The following PBX3 variants were observed in gnomAD, a reference collection of about 807,000 sequenced individuals.
PBX3 encodes PBX homeobox 3, also known as pre-B-cell leukemia transcription factor 3.
PBX3 carries 14 observed loss-of-function variants against 48.5 expected under a neutral mutation model. That is an observed-to-expected ratio of 0.29 (90% confidence interval 0.19 to 0.45). The LOEUF is 0.45. PBX3 is among the 20% of genes least tolerant of loss of function. The pLI is 1.00. For missense variants in PBX3, 386 were observed against 546.7 expected (o/e 0.71, Z 2.93); for synonymous variants, 210 against 200.3 (o/e 1.05, Z -0.41).
At chr9:125,962,012 T>C in intron 6 of PBX3, 90 bp from the exon 7 acceptor site, 1 of 666,158 alleles carries the variant, frequency 1.5e-6, no homozygotes, top group South Asian at 1.9e-5. Context: ...CTTTCCCTTC[T>C]GTACTTTTTC....
chr9:125,855,342 A>G (rs577516420), intron 2 of PBX3, among the ~76,000 whole-genome samples: 1 of 152,264 alleles, frequency 6.6e-6, no homozygotes, highest in South Asian at 2.1e-4. Context: ...TCCTTATACC[A>G]AATAATTTAA....
At chr9:125,773,376 C>T (rs1279674823) in intron 2 of PBX3, among the ~76,000 whole-genome samples, 1 of 152,172 alleles carries the variant, frequency 6.6e-6, no homozygotes, top group Admixed American at 6.5e-5. Context: ...TTGACCACCT[C>T]TGAGTCTGCT....
At chr9:125,775,489 G>T (rs1479835582) in intron 2 of PBX3, among the ~76,000 whole-genome samples, 1 of 152,142 alleles carries the variant, frequency 6.6e-6, no homozygotes, top group Non-Finnish European at 1.5e-5. Flanking sequence ...AGTACCATTT[G>T]TTGAAGATAC....
At chr9:125,874,129 T>C (rs751780812) in intron 2 of PBX3, among the ~76,000 whole-genome samples, 13 of 152,170 alleles carry the variant, frequency 8.5e-5, no homozygotes, top group Non-Finnish European at 1.6e-4. Flanking sequence ...AATACAGAAA[T>C]GAGTAAATCC....
chr9:125,836,212 G>A (rs939676514), intron 2 of PBX3, among the ~76,000 whole-genome samples: 43 of 152,180 alleles, frequency 2.8e-4, no homozygotes, highest in Admixed American at 2.3e-3. Flanking sequence ...TTGGGAGGCC[G>A]AGGCAGGTGG....
At chr9:125,947,945 A>T (rs2118744743) in intron 5 of PBX3, among the ~76,000 whole-genome samples, 1 of 152,326 alleles carries the variant, frequency 6.6e-6, no homozygotes, top group African/African-American at 2.4e-5. Context: ...ACAAATTCAA[A>T]ATCATTATAA....
At chr9:125,797,790 T>C (rs1409650047) in intron 2 of PBX3, among the ~76,000 whole-genome samples, 1 of 152,146 alleles carries the variant, frequency 6.6e-6, no homozygotes, top group Non-Finnish European at 1.5e-5. Context: ...TCATTCTACA[T>C]ATCTGGGGTC....
Position 125,915,721 on chromosome 9 carries a change from C to T in PBX3, c.310C>T (p.Pro104Ser). ...CAGAGGAGCCCAGGAGGAGGACCCT[C>T]CCGATCCCCAGCTAATGAGACTGGA... The part of the protein sequence containing the change: ...SIRGAQEEDP[P>S]DPQLMRLDNM... Residue 104 changes from proline (P) to serine (S), a missense_variant, in exon 3 of 9, where the codon CCC becomes TCC. Physicochemically the swap from Pro to Ser is moderately conservative, Grantham distance 74 (BLOSUM62 -1). Transcript: ENST00000373489. 6.2e-7 allele frequency: 1 copy of T among 1,613,568 alleles called. No individual in the cohort carries two copies. Among genetic ancestry groups the T allele is most frequent in the Non-Finnish European group, 8.5e-7 (1 of 1,179,694 alleles).
rs141526789 is a variant in PBX3, at chr9:125,874,079, A to G, written c.275-41607A>G. On this transcript the variant is annotated intron_variant, in intron 2 of 8. Transcript: ENST00000373489. ...GAAGGAATATCCTGAACACTTTGTCAATACATTTGACATCTTAGGTGAAAT... is the reference window on the plus strand; with the variant it reads ...GAAGGAATATCCTGAACACTTTGTCGATACATTTGACATCTTAGGTGAAAT... Among the ~76,000 whole-genome samples the G allele has an allele frequency of 1.8e-3, 277 of 152,334 alleles. 2 individuals carry two copies. Among genetic ancestry groups the G allele is most frequent in the African/African-American group, 6.2e-3 (256 of 41,574 alleles).
At chr9:125,846,093 A>C (rs1445479577) in intron 2 of PBX3, among the ~76,000 whole-genome samples, 1 of 152,098 alleles carries the variant, frequency 6.6e-6, no homozygotes, top group African/African-American at 2.4e-5. Context: ...TGAAGATGTC[A>C]TTTGAGGAAG....
chr9:125,816,894 C>T (rs540021997), intron 2 of PBX3, among the ~76,000 whole-genome samples: 2 of 152,248 alleles, frequency 1.3e-5, no homozygotes, highest in East Asian at 3.9e-4. Flanking sequence ...CTTGTAATGT[C>T]TCATCATTTA....
chr9:125,945,674 A>G (rs1393017725), intron 5 of PBX3, among the ~76,000 whole-genome samples: 1 of 152,206 alleles, frequency 6.6e-6, no homozygotes, highest in Non-Finnish European at 1.5e-5. Context: ...ACTGAAGATG[A>G]TGATATTATT....
intron 2 of PBX3, among the ~76,000 whole-genome samples, chr9:125,754,723 G>T (rs972282918): frequency 3.3e-5 from 5 of 151,976 alleles, no homozygotes; most frequent in African/African-American, 9.7e-5. Context: ...TAATATGTTT[G>T]TAGGTTTTAA....
chr9:125,923,591 G>A (rs1162032694), intron 3 of PBX3, among the ~76,000 whole-genome samples: 2 of 151,966 alleles, frequency 1.3e-5, no homozygotes, highest in Non-Finnish European at 2.9e-5. Context: ...TTTGAGACAG[G>A]GTCTTGCTGT....
At chr9:125,758,664 G>A (rs1836585336) in intron 2 of PBX3, among the ~76,000 whole-genome samples, 3 of 152,176 alleles carry the variant, frequency 2.0e-5, no homozygotes, top group East Asian at 3.9e-4. Flanking sequence ...TTCCTTAAGC[G>A]ATTATAATTT....
rs1842356137 is a variant in PBX3 at position 125,958,424 on chromosome 9, ATAG to A, written c.844-2256_844-2254del. ...AAGGAAGGGAAGGCCAAGAAGGCTA[ATAG>A]TAGGATGGAGAGGTCCCTTGGGGCT... On this transcript the variant is annotated intron_variant, in intron 5 of 8. Transcript: ENST00000373489. Among the ~76,000 whole-genome samples, 4 of 152,340 alleles carry A rather than the reference ATAG, an allele frequency of 2.6e-5. No individual in the cohort carries two copies. In the South Asian group the frequency reaches 8.3e-4, roughly 32 times the overall value.
chr9:125,906,737 G>A (rs770749328), intron 2 of PBX3, among the ~76,000 whole-genome samples: 4 of 151,944 alleles, frequency 2.6e-5, no homozygotes, highest in African/African-American at 7.2e-5. Context: ...TTTGTATTAT[G>A]TGTGTATGGT....
intron 2 of PBX3, among the ~76,000 whole-genome samples, chr9:125,821,201 A>G (rs1194474557): frequency 6.6e-6 from 1 of 152,182 alleles, no homozygotes; most frequent in African/African-American, 2.4e-5. Flanking sequence ...TATATATTAC[A>G]GCTCATTTAA....
chr9:125,770,062 G>T (rs763277213), intron 2 of PBX3, among the ~76,000 whole-genome samples: 2 of 152,158 alleles, frequency 1.3e-5, no homozygotes, highest in Non-Finnish European at 2.9e-5. Flanking sequence ...AAATGAAGAA[G>T]GCTTCTACAA....
Sources: gnomAD v4.1 joint callset for allele counts (sites outside exome capture counted in the v4.1 genomes callset) on GRCh38, gnomAD v4.1.1 for gene constraint, MANE v1.5 for transcripts, NCBI Gene and HGNC (gene_info 2026-07-23, HGNC 2026-07-21) for gene names.